Variants in LRBA observed in about 807,000 individuals in gnomAD.
The protein encoded by LRBA is lipopolysaccharide-responsive and beige-like anchor protein.
Under a neutral mutation model 330.0 loss-of-function variants are expected in LRBA, and 176 were observed. The ratio of observed to expected loss-of-function variants is 0.53; its 90% CI spans 0.47 to 0.60. The LOEUF (loss-of-function observed/expected upper bound fraction) is 0.60. Among genes scored for constraint, LRBA ranks in the 20% least tolerant of loss-of-function variants. LRBA has a pLI of 0.00. For synonymous variants in LRBA, 1,230 were observed against 1,193.0 expected (o/e 1.03, Z -0.64); for missense variants, 3,259 against 3,444.8 (o/e 0.95, Z 1.35).
chr4:150,419,168 G>A (rs1212246890), intron 46 of LRBA, among the ~76,000 whole-genome samples: 1 of 152,106 alleles, frequency 6.6e-6, no homozygotes, highest in African/African-American at 2.4e-5. Context: ...TTTAGCTTCC[G>A]TTCTTTCTCT....
At chr4:150,654,621 C>A (rs1378880170) in intron 37 of LRBA, among the ~76,000 whole-genome samples, 1 of 152,208 alleles carries the variant, frequency 6.6e-6, no homozygotes, top group Admixed American at 6.5e-5. Flanking sequence ...TATACATGTG[C>A]CATGTTGGTG....
chr4:150,795,325 G>T (rs564663694), intron 34 of LRBA, among the ~76,000 whole-genome samples: 64 of 151,958 alleles, frequency 4.2e-4, no homozygotes, highest in African/African-American at 1.5e-3. Flanking sequence ...AACAAATTTG[G>T]CACACAAGTA....
intron 46 of LRBA, among the ~76,000 whole-genome samples, chr4:150,418,160 G>A (rs1234563050): frequency 6.6e-6 from 1 of 151,828 alleles, no homozygotes; most frequent in East Asian, 1.9e-4. Flanking sequence ...TAGGACTATA[G>A]GAATACACTA....
intron 40 of LRBA, among the ~76,000 whole-genome samples, chr4:150,578,701 T>C (rs1041237677): frequency 1.3e-5 from 2 of 152,240 alleles, no homozygotes; most frequent in African/African-American, 4.8e-5. Flanking sequence ...ACTAAAAACA[T>C]GCCCACTTCA....
intron 44 of LRBA, among the ~76,000 whole-genome samples, chr4:150,446,685 A>G (rs559556401): frequency 1.3e-5 from 2 of 152,340 alleles, no homozygotes; most frequent in Non-Finnish European, 2.9e-5. Context: ...TCCCTCAAGG[A>G]AAGCAAAATC....
chr4:150,909,649 C>T (rs569716232), intron 9 of LRBA, among the ~76,000 whole-genome samples: 3 of 152,230 alleles, frequency 2.0e-5, no homozygotes, highest in Admixed American at 6.5e-5. Context: ...TCTCTGTGAT[C>T]CTCTTTTCAA....
At chr4:150,642,354 CT>C (rs1407617425) in intron 37 of LRBA, among the ~76,000 whole-genome samples, 2 of 151,758 alleles carry the variant, frequency 1.3e-5, no homozygotes, top group African/African-American at 4.8e-5. Context: ...TAAAGATAAG[CT>C]TTTAAAATTA....
intron 47 of LRBA, among the ~76,000 whole-genome samples, chr4:150,392,639 G>T (rs1046020700): frequency 2.0e-5 from 3 of 152,002 alleles, no homozygotes; most frequent in African/African-American, 7.2e-5. Flanking sequence ...TCTACTGTTG[G>T]TGTATAGGAA....
At chr4:150,270,754 C>G (rs2126707559) in intron 56 of LRBA, among the ~76,000 whole-genome samples, 1 of 152,236 alleles carries the variant, frequency 6.6e-6, no homozygotes. Flanking sequence ...TAAAGATGAT[C>G]CCCCCAAAAT....
chr4:150,384,609 A>G (rs1335820634), intron 47 of LRBA, among the ~76,000 whole-genome samples: 2 of 152,190 alleles, frequency 1.3e-5, no homozygotes, highest in African/African-American at 4.8e-5. Context: ...ACCTTCAGGG[A>G]ATTACGATGA....
At chr4:150,463,816 C>A (rs907077201) in intron 44 of LRBA, among the ~76,000 whole-genome samples, 7 of 151,832 alleles carry the variant, frequency 4.6e-5, no homozygotes, top group African/African-American at 1.7e-4. Flanking sequence ...TAATAAAAAT[C>A]ATACAGCCTA....
chr4:150,556,123 G>A (rs1164884185), intron 40 of LRBA, among the ~76,000 whole-genome samples: 1 of 151,766 alleles, frequency 6.6e-6, no homozygotes, highest in Non-Finnish European at 1.5e-5. Context: ...AAATATTCTA[G>A]CAAAATATAT....
At chr4:150,709,631 T>C (rs907371916) in intron 36 of LRBA, among the ~76,000 whole-genome samples, 8 of 152,000 alleles carry the variant, frequency 5.3e-5, no homozygotes, top group African/African-American at 1.7e-4. Context: ...GCACCTACTA[T>C]GTATAGGCAA....
chr4:150,684,555 T>A (rs2126920114), intron 36 of LRBA, among the ~76,000 whole-genome samples: 1 of 152,262 alleles, frequency 6.6e-6, no homozygotes, highest in Non-Finnish European at 1.5e-5. Context: ...ACCTTAGAAT[T>A]ATTTGTCAGT....
chr4:150,758,036 A>C (rs1734550426), intron 35 of LRBA, among the ~76,000 whole-genome samples: 1 of 152,202 alleles, frequency 6.6e-6, no homozygotes, highest in Admixed American at 6.5e-5. Context: ...CAACTGTTTC[A>C]CCAAATTTTC....
chr4:150,439,633 C>T lies in LRBA; in HGVS notation c.6781-2769G>A, dbSNP rs923123153. ...AAGCACTGATTTATTGTGGTAATAA[C>T]ATCCACCTCATTAAAAGATTCTGCT... is the stretch of plus-strand genomic sequence containing the variant. On this transcript the variant is annotated intron_variant, in intron 44 of 56. Transcript: ENST00000651943. Among the ~76,000 whole-genome samples the T allele has an allele frequency of 1.4e-4, 22 of 152,266 alleles. No homozygotes were observed. In the East Asian group the frequency reaches 2.7e-3, roughly 19 times the overall value.
intron 35 of LRBA, among the ~76,000 whole-genome samples, chr4:150,745,836 A>G (rs945618215): frequency 4.6e-5 from 7 of 152,036 alleles, no homozygotes; most frequent in Non-Finnish European, 1.0e-4. Flanking sequence ...TGTGTGTTCT[A>G]TTTTCAAGAG....
chr4:150,655,433 A>C (rs1349188418), intron 37 of LRBA, among the ~76,000 whole-genome samples: 1 of 152,172 alleles, frequency 6.6e-6, no homozygotes, highest in Admixed American at 6.5e-5. Flanking sequence ...AAATAGCCTT[A>C]TCATTTTTGC....
In LRBA at chr4:150,363,171, T is replaced by C. The variant is rs542302212; in HGVS notation, c.7195-13012A>G. ...ACAAAACAAAAAACAGTTTAGCTCA[T>C]GTACAGTACTATAACCTTGATATCT... On this transcript the variant is annotated intron_variant, in intron 47 of 56. Coordinates refer to ENST00000651943, the MANE Select transcript of LRBA (RefSeq NM_001364905.1). Among the ~76,000 whole-genome samples the C allele has an allele frequency of 3.9e-5, 6 of 151,966 alleles. No individual in the cohort carries two copies. In the East Asian group the frequency reaches 9.7e-4, roughly 24 times the overall value.
Sources: allele counts gnomAD v4.1 joint callset (sites outside exome capture counted in the v4.1 genomes callset), GRCh38; gene constraint gnomAD v4.1.1; transcripts MANE v1.5; gene names NCBI Gene and HGNC (gene_info 2026-07-23, HGNC 2026-07-21).